SLC36A4: variants seen among roughly 807,000 people sequenced by gnomAD.
SLC36A4 encodes neutral amino acid uniporter 4.
In SLC36A4, 49 loss-of-function variants were observed where a neutral mutation model predicts 50.5. That is an observed-to-expected ratio of 0.97 (90% confidence interval 0.77 to 1.23). The LOEUF (loss-of-function observed/expected upper bound fraction) is 1.23, where lower values mean the gene tolerates loss of function less well. Among genes scored for constraint, SLC36A4 ranks in the 50% most tolerant of loss-of-function variants. The probability of loss-of-function intolerance (pLI) is 0.00; values close to 1 mark genes in which losing one functional copy is unlikely to be tolerated. For missense variants in SLC36A4, 611 were observed against 608.4 expected (o/e 1.00, Z -0.05); for synonymous variants, 207 against 206.5 (o/e 1.00, Z -0.02).
chr11:93,177,660 T>C (rs959397751), intron 6 of SLC36A4, among the ~76,000 whole-genome samples: 1 of 152,146 alleles, frequency 6.6e-6, no homozygotes, highest in African/African-American at 2.4e-5. Context: ...TTTGCCTGGG[T>C]ATCACCAGCA....
At chr11:93,193,835 G>A (rs1051754343) in intron 1 of SLC36A4, among the ~76,000 whole-genome samples, 2 of 152,232 alleles carry the variant, frequency 1.3e-5, no homozygotes, top group African/African-American at 4.8e-5. Flanking sequence ...CTTTCACCTA[G>A]TAATTCTACT....
chr11:93,170,983 A>C (rs1443892019), intron 6 of SLC36A4, among the ~76,000 whole-genome samples: 6 of 152,066 alleles, frequency 3.9e-5, no homozygotes, highest in Non-Finnish European at 8.8e-5. Flanking sequence ...AGTAAATAGC[A>C]ATTGGTAAGG....
In SLC36A4 at chr11:93,162,830, G is replaced by T. The variant is rs1860691075; in HGVS notation, c.913C>A (p.Gln305Lys). 1.2e-6 allele frequency: 2 copies of T among 1,613,720 alleles called. No individual in the cohort carries two copies. Among genetic ancestry groups the T allele is most frequent in the East Asian group, 2.2e-5 (1 of 44,806 alleles). ...ATCCCCATGCCAATATTCAACGCTT[G>T]AGGGAAACGCTTTGATTCTTTCATT... ...NQMKESKRFP[Q>K]ALNIGMGIVT... Residue 305 changes from glutamine to lysine, a missense_variant, in exon 9 of 11, where the codon CAA becomes AAA. Gln to Lys is a moderately conservative substitution (Grantham distance 53). Coordinates refer to ENST00000326402, the MANE Select transcript of SLC36A4 (RefSeq NM_152313.4).
At chr11:93,180,534 C>T (rs1415338445) in intron 6 of SLC36A4, among the ~76,000 whole-genome samples, 1 of 151,964 alleles carries the variant, frequency 6.6e-6, no homozygotes, top group Non-Finnish European at 1.5e-5. Context: ...ATCTAAGTTT[C>T]AAGTAGCTAA....
At chr11:93,175,363 G>A (rs1260913193) in intron 6 of SLC36A4, among the ~76,000 whole-genome samples, 91 of 149,072 alleles carry the variant, frequency 6.1e-4, no homozygotes, top group Non-Finnish European at 8.6e-4. Flanking sequence ...TCTTGCTAGC[G>A]GTCTATCAAT....
chr11:93,194,874 A>G (rs1224797422), intron 1 of SLC36A4, among the ~76,000 whole-genome samples: 1 of 152,228 alleles, frequency 6.6e-6, no homozygotes, highest in Non-Finnish European at 1.5e-5. Flanking sequence ...GCACTTTGAT[A>G]TCTAATGGAC....
At chr11:93,166,078 A>G in intron 7 of SLC36A4, 62 bp from the exon 8 acceptor site, 2 of 1,356,006 alleles carry the variant, frequency 1.5e-6, no homozygotes, top group Non-Finnish European at 2.0e-6. Context: ...ATAATTAAAA[A>G]ATGTAAGAAA....
intron 3 of SLC36A4, among the ~76,000 whole-genome samples, chr11:93,183,374 A>G (rs2134695819): frequency 6.6e-6 from 1 of 152,306 alleles, no homozygotes; most frequent in South Asian, 2.1e-4. Context: ...GTAGTAAATA[A>G]AATACTTTAA....
intron 6 of SLC36A4, chr11:93,180,373 T>G: frequency 6.3e-6 from 6 of 951,952 alleles, no homozygotes; most frequent in Non-Finnish European, 1.3e-6. Flanking sequence ...AGTGTCTTTT[T>G]ACACAATGGC....
In SLC36A4 at chr11:93,166,179, T is replaced by C; in HGVS notation, c.769-163A>G. On this transcript the variant is annotated intron_variant, in intron 7 of 10. Transcript: ENST00000326402. ...CACTTAAAGCATCCTCTGTTAAATGTAGCCAAGCTGTTAGGATTTCACTGC... is the reference window on the plus strand; with the variant it reads ...CACTTAAAGCATCCTCTGTTAAATGCAGCCAAGCTGTTAGGATTTCACTGC... 8 of 1,318,560 alleles carry C rather than the reference T, an allele frequency of 6.1e-6. No homozygotes were observed. In the East Asian group the frequency reaches 8.1e-5, roughly 13 times the overall value. 81.7% of individuals were successfully genotyped at this position (1,318,560 alleles called of 1,614,324 possible). A position where few individuals can be genotyped will look rare whatever the true frequency, so the allele number is the denominator to read the frequency against.
At chr11:93,182,736 T>G (rs2134694440) in intron 4 of SLC36A4, 70 bp downstream of exon 4, 1 of 1,140,066 alleles carries the variant, frequency 8.8e-7, no homozygotes, top group Non-Finnish European at 1.3e-6. Flanking sequence ...CACAGTAGAA[T>G]ATAAGACTAT....
intron 8 of SLC36A4, among the ~76,000 whole-genome samples, chr11:93,163,208 T>C (rs925819283): frequency 1.3e-5 from 2 of 152,204 alleles, no homozygotes; most frequent in African/African-American, 4.8e-5. Flanking sequence ...TCTCCTACCA[T>C]TAACTTTTTA....
chr11:93,191,580 G>A (rs1005309235), intron 1 of SLC36A4, among the ~76,000 whole-genome samples: 2 of 152,166 alleles, frequency 1.3e-5, no homozygotes, highest in African/African-American at 4.8e-5. Flanking sequence ...GAAAAGCAGT[G>A]AGGTATGAGG....
intron 2 of SLC36A4, 157 bp downstream of exon 2, chr11:93,185,533 CG>C: frequency 1.7e-6 from 1 of 587,964 alleles, no homozygotes. Flanking sequence ...GTGATTTAAA[CG>C]CATTTCTTTC....
At position 93,162,708 on chromosome 11, in the gene SLC36A4, T is replaced by C. The variant is rs146679457; in HGVS notation, c.1035A>G (p.Val345=). The change falls in exon 9 of 11, where the codon GTA becomes GTG. Residue 345 remains valine (V), a splice_region_variant and synonymous_variant. Transcript: ENST00000326402. ...TTGACAAATTCATATACACCTACCA[T>C]ACATCTTGGGGAAGATTTAAAGTTA... ...GSITLNLPQD[V]WLYQSVKILY... The C allele has an allele frequency of 5.1e-3, 8,187 of 1,605,654 alleles. 36 individuals carry two copies. The highest frequency in any genetic ancestry group is 6.8e-3 in the South Asian group (613 of 89,988).
intron 4 of SLC36A4, among the ~76,000 whole-genome samples, 193 bp from the exon 5 acceptor site, chr11:93,181,979 C>G (rs1764674384): frequency 6.6e-6 from 1 of 152,064 alleles, no homozygotes; most frequent in African/African-American, 2.4e-5. Context: ...ATGTTTAAAT[C>G]TGTCCTTTTT....
chr11:93,188,374 A>G (rs1443745117), intron 1 of SLC36A4, among the ~76,000 whole-genome samples: 1 of 152,224 alleles, frequency 6.6e-6, no homozygotes, highest in Non-Finnish European at 1.5e-5. Flanking sequence ...AACAGTCTAT[A>G]AAATTATTTA....
rs770861732 is a variant in SLC36A4, at chr11:93,162,878, A to G, written c.868-3T>C. The G allele has an allele frequency of 4.3e-6, 7 of 1,610,978 alleles. No individual in the cohort carries two copies. Among genetic ancestry groups the G allele is most frequent in the Non-Finnish European group, 5.9e-6 (7 of 1,178,840 alleles). On this transcript the variant is annotated splice_polypyrimidine_tract_variant and splice_region_variant and intron_variant, in intron 8 of 10. Transcript: ENST00000326402. ...ATTTGGTTTTCCAGTGGAAGGACCT[A>G]AGAAAAGAATACAATACTTTTTTTT...
chr11:93,167,809 A>C, intron 7 of SLC36A4, 135 bp downstream of exon 7: 1 of 609,122 alleles, frequency 1.6e-6, no homozygotes, highest in Non-Finnish European at 2.9e-6. Flanking sequence ...AAAGAAACCA[A>C]CATTTACTGA....
Sources: gnomAD v4.1 joint callset for allele counts (sites outside exome capture counted in the v4.1 genomes callset) on GRCh38, gnomAD v4.1.1 for gene constraint, MANE v1.5 for transcripts, NCBI Gene and HGNC (gene_info 2026-07-23, HGNC 2026-07-21) for gene names.